The following IQSEC1 variants were observed in gnomAD, a reference collection of about 807,000 sequenced individuals.
IQSEC1 encodes IQ motif and Sec7 domain ArfGEF 1, also known as IQ motif and SEC7 domain-containing protein 1.
A neutral mutation model predicts 91.0 loss-of-function variants in IQSEC1; 31 were observed. That is an observed-to-expected ratio of 0.34 (90% CI 0.26 to 0.46). IQSEC1 has a LOEUF of 0.46. Ranked by LOEUF, IQSEC1 falls within the 20% of genes least tolerant of loss-of-function variation. IQSEC1 has a pLI of 1.00. For synonymous variants in IQSEC1, 699 were observed against 662.6 expected, an observed-to-expected ratio of 1.05 and a Z score of -0.84; for missense variants, 1,388 against 1,575.6, an observed-to-expected ratio of 0.88 and a Z score of 2.02.
At chr3:13,222,023 G>T (rs1311084098) in intron 1 of IQSEC1, among the ~76,000 whole-genome samples, 1 of 152,212 alleles carries the variant, frequency 6.6e-6, no homozygotes, top group East Asian at 1.9e-4. Flanking sequence ...TTTCATTATG[G>T]TAAAGGATAC....
At chr3:13,194,011 G>A (rs925262916) in intron 1 of IQSEC1, among the ~76,000 whole-genome samples, 9 of 152,132 alleles carry the variant, frequency 5.9e-5, no homozygotes, top group African/African-American at 9.7e-5. Flanking sequence ...TTGGCTGGCC[G>A]ACAGCCCCCT....
intron 1 of IQSEC1, among the ~76,000 whole-genome samples, chr3:13,195,940 A>C (rs572013668): frequency 1.3e-5 from 2 of 152,326 alleles, no homozygotes; most frequent in South Asian, 4.1e-4. Flanking sequence ...AACTGGGTGG[A>C]GGGGACGTGG....
At chr3:13,096,477 G>A (rs1308894970) in intron 2 of IQSEC1, among the ~76,000 whole-genome samples, 1 of 152,236 alleles carries the variant, frequency 6.6e-6, no homozygotes, top group Non-Finnish European at 1.5e-5. Context: ...AGTCTAGCAA[G>A]AATCAAGTAT....
intron 1 of IQSEC1, chr3:13,022,570 G>T: frequency 1.8e-6 from 1 of 548,830 alleles, no homozygotes. Flanking sequence ...GGCCTGGGAT[G>T]GGAGAGGCGA....
chr3:13,147,152 C>G (rs1706912221), intron 2 of IQSEC1, among the ~76,000 whole-genome samples: 1 of 151,456 alleles, frequency 6.6e-6, no homozygotes, highest in African/African-American at 2.5e-5. Context: ...TGCTGCTGTC[C>G]TTTTAATGTT....
At chr3:13,073,560 GCT>G (rs1417271621), upstream of IQSEC1, among the ~76,000 whole-genome samples, 15 of 144,858 alleles carry the variant, frequency 1.0e-4, no homozygotes, top group African/African-American at 3.5e-4. Flanking sequence ...CGGCCGCTCG[GCT>G]GCGCCCTCGC....
At position 12,901,163 on chromosome 3, in the gene IQSEC1, TGCGTGCTGG is replaced by T. The variant is rs1298693026; in HGVS notation, c.3156_3164del (p.Gln1053_Ala1055del). ...CATGGGGGCCGTGGTGGTACTGGTG[TGCGTGCTGG>T]ATGTGCTGGGGTGGGTGGTGGTGGT... On this transcript the variant is annotated inframe_deletion, in exon 14 of 14. Coordinates refer to ENST00000613206, the MANE Select transcript of IQSEC1 (RefSeq NM_001134382.3). The T allele has an allele frequency of 6.5e-7, 1 of 1,543,634 alleles. No homozygotes were observed. Among genetic ancestry groups the T allele is most frequent in the South Asian group, 1.2e-5 (1 of 83,840 alleles).
At chr3:13,127,721 G>A (rs1005305215) in intron 2 of IQSEC1, among the ~76,000 whole-genome samples, 1 of 152,120 alleles carries the variant, frequency 6.6e-6, no homozygotes, top group East Asian at 1.9e-4. Flanking sequence ...TAAGCCTAAA[G>A]ATCAACTCGG....
chr3:12,906,654 T>C (rs528937247), intron 12 of IQSEC1, among the ~76,000 whole-genome samples: 45 of 152,316 alleles, frequency 3.0e-4, no homozygotes, highest in Middle Eastern at 3.4e-3. Context: ...TGAAAGCAGC[T>C]GGCCGTGGGC....
At chr3:13,095,820 G>A (rs949269721) in intron 2 of IQSEC1, among the ~76,000 whole-genome samples, 2 of 152,186 alleles carry the variant, frequency 1.3e-5, no homozygotes, top group Non-Finnish European at 2.9e-5. Context: ...ACAGCCCCAC[G>A]CAAAAGCGCT....
chr3:13,166,035 C>T (rs1204118548), intron 1 of IQSEC1, among the ~76,000 whole-genome samples: 3 of 152,182 alleles, frequency 2.0e-5, no homozygotes, highest in African/African-American at 4.8e-5. Context: ...ATCCTTTCTT[C>T]GGAATGACAA....
chr3:13,076,052 A>G (rs982054454), upstream of IQSEC1, among the ~76,000 whole-genome samples: 2 of 152,208 alleles, frequency 1.3e-5, no homozygotes, highest in East Asian at 3.8e-4. Context: ...TCACATAAGA[A>G]GTGGAGCTAC....
intron 1 of IQSEC1, among the ~76,000 whole-genome samples, chr3:13,192,119 A>C (rs977545236): frequency 6.6e-6 from 1 of 152,102 alleles, no homozygotes; most frequent in Non-Finnish European, 1.5e-5. Flanking sequence ...GCGGATCACG[A>C]GGTCAGGAGA....
chr3:13,153,003 CT>C (rs1399082600), intron 2 of IQSEC1, among the ~76,000 whole-genome samples: 1 of 152,022 alleles, frequency 6.6e-6, no homozygotes, highest in Non-Finnish European at 1.5e-5. Flanking sequence ...GGGCTGTCCC[CT>C]CTCCTCCCTA....
chr3:13,048,835 C>T (rs956347752), intron 1 of IQSEC1, among the ~76,000 whole-genome samples: 1 of 152,232 alleles, frequency 6.6e-6, no homozygotes, highest in Non-Finnish European at 1.5e-5. Context: ...AGCACAATGC[C>T]TCCTTCTTCT....
chr3:12,956,232 C>T (rs570662369), intron 1 of IQSEC1, among the ~76,000 whole-genome samples: 11 of 152,328 alleles, frequency 7.2e-5, no homozygotes, highest in African/African-American at 2.6e-4. Context: ...TGCCTATTGA[C>T]GGCATCCATG....
upstream of IQSEC1, among the ~76,000 whole-genome samples, chr3:13,076,456 G>C (rs1404004417): frequency 6.6e-6 from 1 of 152,184 alleles, no homozygotes. Context: ...CTGCAGATCG[G>C]CTCACTCCTG....
At chr3:12,969,320 T>A (rs1241257951) in intron 1 of IQSEC1, among the ~76,000 whole-genome samples, 1 of 152,148 alleles carries the variant, frequency 6.6e-6, no homozygotes, top group Non-Finnish European at 1.5e-5. Context: ...AATAAGCCCA[T>A]GAAAAGATGC....
rs771079777 is a variant in IQSEC1 at position 12,901,017 on chromosome 3, TTGC to T, written c.3308_3310del (p.Ser1103del). The stretch of plus-strand genomic sequence containing the variant: ...TGTGCTGATGCCGCTGGGTTTGGCC[TTGC>T]TGCTGGTGGGGGGCGGCGGGGCAGG... On this transcript the variant is annotated inframe_deletion, in exon 14 of 14. Transcript: ENST00000613206. 173 of 1,545,246 alleles carry T rather than the reference TTGC, an allele frequency of 1.1e-4. 1 individual carries two copies. The South Asian group carries it at 2.0e-3, about 17-fold the overall frequency.
Sources: allele counts gnomAD v4.1 joint callset (sites outside exome capture counted in the v4.1 genomes callset), GRCh38; gene constraint gnomAD v4.1.1; transcripts MANE v1.5; gene names NCBI Gene and HGNC (gene_info 2026-07-23, HGNC 2026-07-21).